SRGAP3: variants seen among roughly 807,000 people sequenced by gnomAD.
The protein encoded by SRGAP3 is SLIT-ROBO Rho GTPase-activating protein 3.
SRGAP3 carries 39 observed loss-of-function variants against 121.1 expected under a neutral mutation model. The observed-to-expected ratio is 0.32, with a 90% confidence interval of 0.25 to 0.42. The LOEUF is 0.42. SRGAP3 is among the 10% of genes least tolerant of loss of function. The pLI is 1.00. For synonymous variants in SRGAP3, 601 were observed against 570.0 expected, an observed-to-expected ratio of 1.05 and a Z score of -0.77; for missense variants, 1,213 against 1,470.6, an observed-to-expected ratio of 0.82 and a Z score of 2.86.
chr3:9,229,010 C>T (rs888259215), intron 1 of SRGAP3, among the ~76,000 whole-genome samples: 1 of 143,876 alleles, frequency 7.0e-6, no homozygotes, highest in Non-Finnish European at 1.5e-5. Flanking sequence ...TGCAGTGAGC[C>T]GAGATTGCGC....
chr3:9,074,423 T>G (rs1287195884), intron 4 of SRGAP3, among the ~76,000 whole-genome samples: 1 of 152,196 alleles, frequency 6.6e-6, no homozygotes, highest in Non-Finnish European at 1.5e-5. Context: ...GCCTTCAAGT[T>G]AGGTCCAGCT....
intron 1 of SRGAP3, among the ~76,000 whole-genome samples, chr3:9,244,006 A>T (rs775349251): frequency 2.6e-5 from 4 of 152,144 alleles, no homozygotes; most frequent in Non-Finnish European, 5.9e-5. Flanking sequence ...TGCCTTCTCT[A>T]GAGGAACTCC....
intron 1 of SRGAP3, among the ~76,000 whole-genome samples, chr3:9,235,196 G>T (rs1391444334): frequency 6.6e-6 from 1 of 152,098 alleles, no homozygotes; most frequent in Admixed American, 6.5e-5. Context: ...TTTATTTTTA[G>T]GCCATACTCT....
At chr3:9,296,100 A>G (rs1954950418) in intron 3 of SRGAP3, among the ~76,000 whole-genome samples, 5 of 152,236 alleles carry the variant, frequency 3.3e-5, no homozygotes, top group Admixed American at 3.3e-4. Context: ...TGCTATGAAC[A>G]TTAGTATCTA....
In SRGAP3 at chr3:9,060,294, A is replaced by G. The variant is rs759570380; in HGVS notation, c.738T>C (p.Asn246=). The G allele has an allele frequency of 2.1e-5, 34 of 1,614,078 alleles. No individual in the cohort carries two copies. Among genetic ancestry groups the G allele is most frequent in the Non-Finnish European group, 2.3e-5 (27 of 1,180,040 alleles). Residue 246 remains asparagine (N), a synonymous_variant, in exon 6 of 22, where the codon AAT becomes AAC. Coordinates refer to ENST00000383836, the MANE Select transcript of SRGAP3 (RefSeq NM_014850.4). The part of the protein sequence containing the change: ...CTKARNDYLL[N]LAATNAAISK... The stretch of plus-strand genomic sequence containing the variant: ...TTATAGCTGCGTTGGTGGCTGCCAG[A>G]TTGAGCAAGTAGTCATTCCGGGCCT...
chr3:9,025,245 G>T lies in SRGAP3; in HGVS notation c.1678+16C>A, dbSNP rs1944130973. ...TTCCCCTGGCCACAAGCCTAAGATG[G>T]TCGCTCTGCACCCACCTCTCTCAAA... On this transcript the variant is annotated intron_variant, in intron 14 of 21. Transcript: ENST00000383836. 1 of 1,613,956 alleles carries T rather than the reference G, an allele frequency of 6.2e-7. No homozygotes were observed.
At chr3:9,037,788 G>C (rs984052761) in intron 11 of SRGAP3, 1 of 554,922 alleles carries the variant, frequency 1.8e-6, no homozygotes, top group African/African-American at 1.9e-5. Flanking sequence ...TGTCTCACCC[G>C]ATGGCCAGCG....
At chr3:9,210,002 T>C (rs1952392243) in intron 1 of SRGAP3, among the ~76,000 whole-genome samples, 1 of 151,986 alleles carries the variant, frequency 6.6e-6, no homozygotes, top group Admixed American at 6.5e-5. Flanking sequence ...ACCACATAGA[T>C]GAACTTCAAA....
At chr3:9,132,397 C>G (rs1412746394) in intron 1 of SRGAP3, among the ~76,000 whole-genome samples, 5 of 152,192 alleles carry the variant, frequency 3.3e-5, no homozygotes, top group African/African-American at 7.2e-5. Context: ...CGTGCTCCAC[C>G]TATTTCGCCC....
chr3:9,287,436 G>T (rs920769552), intron 3 of SRGAP3, among the ~76,000 whole-genome samples: 1 of 152,074 alleles, frequency 6.6e-6, no homozygotes, highest in African/African-American at 2.4e-5. Flanking sequence ...TCCACTTCCT[G>T]GTGAATAATA....
intron 1 of SRGAP3, among the ~76,000 whole-genome samples, chr3:9,152,942 T>C (rs114258139): frequency 0.019 from 2,848 of 152,262 alleles, 87 homozygotes; most frequent in African/African-American, 0.065. Context: ...TAGGACTATA[T>C]CAGAGCTCAG....
chr3:9,061,090 G>C (rs188214159), intron 5 of SRGAP3, among the ~76,000 whole-genome samples: 1 of 152,164 alleles, frequency 6.6e-6, no homozygotes, highest in Non-Finnish European at 1.5e-5. Flanking sequence ...AAATTAGCTG[G>C]GTGTGGTGGC....
intron 3 of SRGAP3, among the ~76,000 whole-genome samples, chr3:9,305,212 G>A (rs1014388415): frequency 4.6e-5 from 7 of 152,166 alleles, no homozygotes; most frequent in African/African-American, 1.2e-4. Context: ...GAAGGATTGG[G>A]CAGGAAGAGC....
intron 1 of SRGAP3, among the ~76,000 whole-genome samples, chr3:9,196,391 C>G (rs1951916300): frequency 1.3e-5 from 2 of 152,158 alleles, no homozygotes; most frequent in Non-Finnish European, 2.9e-5. Context: ...ACCTTTGGAG[C>G]CAGAAGGTCG....
At chr3:9,155,793 T>C (rs1189609591) in intron 1 of SRGAP3, among the ~76,000 whole-genome samples, 2 of 152,168 alleles carry the variant, frequency 1.3e-5, no homozygotes, top group African/African-American at 4.8e-5. Context: ...ATTTTATTAT[T>C]ACTTATTCTT....
chr3:9,242,935 T>C (rs1953697126), intron 1 of SRGAP3, among the ~76,000 whole-genome samples: 2 of 152,182 alleles, frequency 1.3e-5, no homozygotes, highest in Non-Finnish European at 2.9e-5. Context: ...TCCACCCATC[T>C]TGGCCTCCCA....
Position 8,980,966 on chromosome 3 carries a change from AG to A in SRGAP3, c.*4552del. The A allele has an allele frequency of 4.3e-6, 1 of 233,246 alleles. No individual in the cohort carries two copies. The highest frequency in any genetic ancestry group is 8.5e-6 in the Non-Finnish European group (1 of 117,752). 14.4% of individuals were successfully genotyped at this position (233,246 alleles called of 1,614,324 possible). On this transcript the variant is annotated 3_prime_UTR_variant, in exon 22 of 22. Coordinates refer to ENST00000383836, the MANE Select transcript of SRGAP3 (RefSeq NM_014850.4). ...GCCAGGATCTACTTCCGTCTAAGGA[AG>A]GAAAAGTGCACTCTGGTTGTTCTGG...
chr3:9,176,723 G>T (rs1382738263), intron 1 of SRGAP3, among the ~76,000 whole-genome samples: 3 of 152,012 alleles, frequency 2.0e-5, no homozygotes, highest in Non-Finnish European at 2.9e-5. Context: ...AGAAGCAAGT[G>T]GGGGGCGGGG....
chr3:9,177,771 G>T (rs142333015), intron 1 of SRGAP3, among the ~76,000 whole-genome samples: 56 of 152,244 alleles, frequency 3.7e-4, no homozygotes, highest in Non-Finnish European at 8.1e-4. Flanking sequence ...CTCCTTGTGG[G>T]TTCTGTGGAA....
Sources: allele counts gnomAD v4.1 joint callset (sites outside exome capture counted in the v4.1 genomes callset), GRCh38; gene constraint gnomAD v4.1.1; transcripts MANE v1.5; gene names NCBI Gene and HGNC (gene_info 2026-07-23, HGNC 2026-07-21).